ADGRL3: variants seen among roughly 807,000 people sequenced by gnomAD.
The protein encoded by ADGRL3 is calcium-independent alpha-latrotoxin receptor 3.
Under a neutral mutation model 153.5 loss-of-function variants are expected in ADGRL3, and 62 were observed. That is an observed-to-expected ratio of 0.40 (90% CI 0.33 to 0.50). ADGRL3 has a LOEUF of 0.50. Ranked by LOEUF, ADGRL3 falls within the 20% of genes least tolerant of loss-of-function variation. The probability of loss-of-function intolerance (pLI) is 0.47; values close to 1 mark genes in which losing one functional copy is unlikely to be tolerated. For synonymous variants in ADGRL3, 710 were observed against 672.5 expected (o/e 1.06, Z -0.86); for missense variants, 1,641 against 1,859.4 (o/e 0.88, Z 2.16).
At chr4:61,532,531 TGCGC>T (rs35405501) in intron 4 of ADGRL3, among the ~76,000 whole-genome samples, 103 of 141,284 alleles carry the variant, frequency 7.3e-4, no homozygotes, top group Middle Eastern at 3.6e-3. Flanking sequence ...GGATGCTGCA[TGCGC>T]GCGCGCGCGC....
intron 1 of ADGRL3, among the ~76,000 whole-genome samples, chr4:61,281,994 G>T (rs558100461): frequency 6.6e-6 from 1 of 152,010 alleles, no homozygotes; most frequent in Non-Finnish European, 1.5e-5. Flanking sequence ...TCCTCTAGCT[G>T]TGGGAACTAT....
chr4:61,448,798 G>A (rs969917073), intron 2 of ADGRL3, among the ~76,000 whole-genome samples: 2 of 122,568 alleles, frequency 1.6e-5, no homozygotes, highest in Non-Finnish European at 3.4e-5. Context: ...GAGGGTAGGA[G>A]GGAGGAAGGG....
At chr4:61,401,607 T>G (rs1578656532) in intron 2 of ADGRL3, among the ~76,000 whole-genome samples, 1 of 152,126 alleles carries the variant, frequency 6.6e-6, no homozygotes, top group African/African-American at 2.4e-5. Flanking sequence ...TTTATTATCA[T>G]CTAAGTTGAA....
At chr4:61,510,171 A>G (rs1182793809) in intron 3 of ADGRL3, among the ~76,000 whole-genome samples, 2 of 152,148 alleles carry the variant, frequency 1.3e-5, no homozygotes, top group Non-Finnish European at 2.9e-5. Context: ...TGTTTGTCAG[A>G]TGCATAGTTT....
intron 15 of ADGRL3, among the ~76,000 whole-genome samples, chr4:61,938,887 ATTT>A (rs1553888030): frequency 7.2e-6 from 1 of 138,396 alleles, no homozygotes; most frequent in Non-Finnish European, 1.5e-5. Context: ...AAAAAAAAAA[ATTT>A]TTTTTTTTCC....
chr4:61,283,133 A>T (rs2150023398), intron 1 of ADGRL3, among the ~76,000 whole-genome samples: 1 of 152,228 alleles, frequency 6.6e-6, no homozygotes, highest in South Asian at 2.1e-4. Flanking sequence ...ATGTTTAGCT[A>T]ACTGGCAGAT....
At chr4:61,458,365 A>T (rs1421531184) in intron 2 of ADGRL3, among the ~76,000 whole-genome samples, 2 of 150,878 alleles carry the variant, frequency 1.3e-5, no homozygotes. Flanking sequence ...AGAGATTTAT[A>T]AAAAACAATA....
chr4:61,375,817 TG>T (rs2096596199), intron 1 of ADGRL3, among the ~76,000 whole-genome samples: 1 of 152,156 alleles, frequency 6.6e-6, no homozygotes. Flanking sequence ...AATTCATATT[TG>T]TAGAAGCAAT....
At chr4:61,447,978 G>A (rs775953833) in intron 2 of ADGRL3, among the ~76,000 whole-genome samples, 8 of 152,114 alleles carry the variant, frequency 5.3e-5, no homozygotes, top group Admixed American at 2.0e-4. Context: ...GTTAATACTG[G>A]CAGTGCTGCC....
chr4:61,770,398 C>A (rs530427496), intron 8 of ADGRL3, among the ~76,000 whole-genome samples: 1 of 152,004 alleles, frequency 6.6e-6, no homozygotes, highest in African/African-American at 2.4e-5. Flanking sequence ...AAAGATCACC[C>A]GCAGGTCCTA....
At chr4:61,749,397 A>G (rs2096720775) in intron 8 of ADGRL3, among the ~76,000 whole-genome samples, 1 of 152,234 alleles carries the variant, frequency 6.6e-6, no homozygotes, top group Non-Finnish European at 1.5e-5. Context: ...GCTGCTGTAA[A>G]GACACATGCA....
At chr4:61,559,889 C>T (rs1397029604) in intron 4 of ADGRL3, among the ~76,000 whole-genome samples, 2 of 152,012 alleles carry the variant, frequency 1.3e-5, no homozygotes, top group African/African-American at 2.4e-5. Flanking sequence ...AACTATGATG[C>T]TCTGTGTGAT....
chr4:62,019,239 G>C, intron 21 of ADGRL3, among the ~76,000 whole-genome samples: 1 of 151,922 alleles, frequency 6.6e-6, no homozygotes, highest in East Asian at 1.9e-4. Context: ...AGAATTATTC[G>C]TTGAGTTTTA....
chr4:62,043,356 TG>T (rs1392140952), intron 24 of ADGRL3, among the ~76,000 whole-genome samples: 1 of 152,158 alleles, frequency 6.6e-6, no homozygotes, highest in Non-Finnish European at 1.5e-5. Context: ...AAAACAAATG[TG>T]AGAGACTGGC....
chr4:61,353,910 A>T (rs769623460), intron 1 of ADGRL3, among the ~76,000 whole-genome samples: 1 of 151,798 alleles, frequency 6.6e-6, no homozygotes, highest in Non-Finnish European at 1.5e-5. Flanking sequence ...TTACCATACC[A>T]TTTCCCTTAC....
chr4:61,478,073 G>T (rs1260144647), intron 2 of ADGRL3, among the ~76,000 whole-genome samples: 1 of 151,702 alleles, frequency 6.6e-6, no homozygotes, highest in Non-Finnish European at 1.5e-5. Context: ...TTTTTCTTAT[G>T]AATTTGCTTG....
At chr4:61,435,071 A>AAT (rs1167684372) in intron 2 of ADGRL3, among the ~76,000 whole-genome samples, 1 of 152,126 alleles carries the variant, frequency 6.6e-6, no homozygotes, top group Non-Finnish European at 1.5e-5. Flanking sequence ...AAAGCAAAGT[A>AAT]ATCTACATTT....
At chr4:61,980,968 T>C (rs2099066273) in intron 18 of ADGRL3, among the ~76,000 whole-genome samples, 1 of 152,192 alleles carries the variant, frequency 6.6e-6, no homozygotes, top group Non-Finnish European at 1.5e-5. Context: ...TGTGTGGACA[T>C]ATGTTTTTAA....
chr4:61,837,005 T>C (rs968528411), intron 9 of ADGRL3, among the ~76,000 whole-genome samples: 3 of 152,144 alleles, frequency 2.0e-5, no homozygotes, highest in Admixed American at 6.5e-5. Flanking sequence ...GTGTTTCATA[T>C]AGGATATTTC....
Sources: allele counts gnomAD v4.1 joint callset (sites outside exome capture counted in the v4.1 genomes callset), GRCh38; gene constraint gnomAD v4.1.1; transcripts MANE v1.5; gene names NCBI Gene and HGNC (gene_info 2026-07-23, HGNC 2026-07-21).